The following ZNF93 variants were observed in gnomAD, a reference collection of about 807,000 sequenced individuals.
The protein encoded by ZNF93 is zinc finger protein 505.
ZNF93 carries 29 observed loss-of-function variants against 45.0 expected under a neutral mutation model. The ratio of observed to expected loss-of-function variants is 0.64; its 90% CI spans 0.48 to 0.88. ZNF93 has a LOEUF of 0.88. Ranked by LOEUF, ZNF93 falls within the 40% of genes least tolerant of loss-of-function variation. The probability of loss-of-function intolerance (pLI) is 0.00; values close to 1 mark genes in which losing one functional copy is unlikely to be tolerated. For synonymous variants in ZNF93, 223 were observed against 244.6 expected (o/e 0.91, Z 0.82); for missense variants, 578 against 724.0 (o/e 0.80, Z 2.31).
intron 3 of ZNF93, among the ~76,000 whole-genome samples, chr19:19,931,080 C>T (rs925997943): frequency 3.3e-5 from 5 of 151,268 alleles, no homozygotes; most frequent in Admixed American, 6.6e-5. Flanking sequence ...CCCTTGTAGG[C>T]AGCACACTGT....
chr19:19,902,312 A>C (rs1444640034), intron 1 of ZNF93, among the ~76,000 whole-genome samples: 1 of 151,842 alleles, frequency 6.6e-6, no homozygotes, highest in African/African-American at 2.4e-5. Flanking sequence ...CAGGTGGAGT[A>C]CAGTGGCGCA....
intron 3 of ZNF93, among the ~76,000 whole-genome samples, chr19:19,923,268 T>C (rs1307671667): frequency 6.6e-6 from 1 of 152,070 alleles, no homozygotes; most frequent in African/African-American, 2.4e-5. Flanking sequence ...GAACAGCAAA[T>C]GTTGCTGCTC....
At chr19:19,904,760 C>T (rs2063287576) in intron 1 of ZNF93, among the ~76,000 whole-genome samples, 1 of 152,012 alleles carries the variant, frequency 6.6e-6, no homozygotes, top group Non-Finnish European at 1.5e-5. Context: ...TGCCCATTGT[C>T]CTGAAATTCC....
In ZNF93 at chr19:19,934,062, C is replaced by T. The variant is rs776368219; in HGVS notation, c.1107C>T (p.Tyr369=). Residue 369 remains tyrosine, a synonymous_variant, in exon 4 of 4, where the codon TAC becomes TAT. Transcript: ENST00000343769. ...TCATTCATATGGGAAAGAAACATTA[C>T]AAATGTGAAGAATGTGGCAAAGCCT... is the stretch of plus-strand genomic sequence containing the variant. The part of the protein sequence containing the change: ...HEFIHMGKKH[Y]KCEECGKAFI... 1.2e-6 allele frequency: 2 copies of T among 1,612,934 alleles called. No homozygotes were observed. Among genetic ancestry groups the T allele is most frequent in the South Asian group, 1.1e-5 (1 of 90,956 alleles).
intron 2 of ZNF93, among the ~76,000 whole-genome samples, chr19:19,915,782 C>T (rs1371041423): frequency 6.6e-6 from 1 of 152,050 alleles, no homozygotes; most frequent in Non-Finnish European, 1.5e-5. Flanking sequence ...ACGGAGGTTG[C>T]AATGAGCCGA....
chr19:19,908,590 C>A (rs1167820554), intron 1 of ZNF93: 1 of 152,062 alleles, frequency 6.6e-6, no homozygotes, highest in Admixed American at 6.5e-5. Context: ...CGCCTCTAAT[C>A]CCAGCACTTT....
intron 3 of ZNF93, among the ~76,000 whole-genome samples, chr19:19,924,385 C>A (rs2063350542): frequency 6.6e-6 from 1 of 151,988 alleles, no homozygotes; most frequent in South Asian, 2.1e-4. Flanking sequence ...GCCACCGCAC[C>A]CAGCCGGATT....
At chr19:19,925,675 G>A (rs571584515) in intron 3 of ZNF93, among the ~76,000 whole-genome samples, 1 of 152,280 alleles carries the variant, frequency 6.6e-6, no homozygotes, top group Admixed American at 6.5e-5. Context: ...GTAAATTTCA[G>A]TTTGCTGCAG....
intron 1 of ZNF93, among the ~76,000 whole-genome samples, chr19:19,910,020 A>G (rs1436685073): frequency 6.6e-6 from 1 of 152,190 alleles, no homozygotes. Flanking sequence ...TTTGAAACTG[A>G]TTCAGAAACT....
intron 3 of ZNF93, among the ~76,000 whole-genome samples, chr19:19,922,632 C>A (rs2063345167): frequency 6.6e-6 from 1 of 152,104 alleles, no homozygotes; most frequent in African/African-American, 2.4e-5. Flanking sequence ...AGGCTTTGTT[C>A]ATTTCTTTTT....
rs1033385908 is a variant in ZNF93, at chr19:19,935,426, A to G, written c.*608A>G. The stretch of plus-strand genomic sequence containing the variant: ...GATCTTTACCTTCTAACATCAGTTT[A>G]TGAAAACTTGAAAAGGTGTTTGCTC... On this transcript the variant is annotated 3_prime_UTR_variant, in exon 4 of 4. Transcript: ENST00000343769. 1.0e-4 allele frequency: 16 copies of G among 152,586 alleles called. No homozygotes were observed. The highest frequency in any genetic ancestry group is 3.6e-4 in the African/African-American group (15 of 41,464). 9.5% of individuals were successfully genotyped at this position (152,586 alleles called of 1,614,324 possible).
chr19:19,923,311 AGG>A (rs1485836251), intron 3 of ZNF93, among the ~76,000 whole-genome samples: 1 of 152,228 alleles, frequency 6.6e-6, no homozygotes, highest in South Asian at 2.1e-4. Context: ...TTCATCTCAG[AGG>A]GGTACCCGGC....
intron 1 of ZNF93, among the ~76,000 whole-genome samples, chr19:19,903,115 A>T (rs1270675158): frequency 6.6e-6 from 1 of 152,186 alleles, no homozygotes; most frequent in Non-Finnish European, 1.5e-5. Context: ...AAAAACGTTA[A>T]TTTATGTAAA....
At chr19:19,910,872 C>A (rs886839529) in intron 1 of ZNF93, among the ~76,000 whole-genome samples, 1 of 152,130 alleles carries the variant, frequency 6.6e-6, no homozygotes, top group African/African-American at 2.4e-5. Flanking sequence ...GAACAAAAGT[C>A]ATTTTCTGCA....
chr19:19,913,210 G>A (rs1029468973), intron 1 of ZNF93, among the ~76,000 whole-genome samples: 2 of 152,094 alleles, frequency 1.3e-5, no homozygotes, highest in African/African-American at 4.8e-5. Flanking sequence ...CAGAATGTGC[G>A]GCCACAATTA....
At position 19,935,518 on chromosome 19, in the gene ZNF93, C is replaced by T. The variant is rs1163758435; in HGVS notation, c.*700C>T. The T allele has an allele frequency of 6.6e-6, 1 of 152,196 alleles. No homozygotes were observed. The highest frequency in any genetic ancestry group is 1.5e-5 in the Non-Finnish European group (1 of 68,074). 9.4% of individuals were successfully genotyped at this position (152,196 alleles called of 1,614,324 possible). A position where few individuals can be genotyped will look rare whatever the true frequency, so the allele number is the denominator to read the frequency against. On this transcript the variant is annotated 3_prime_UTR_variant, in exon 4 of 4. Transcript: ENST00000343769. The stretch of plus-strand genomic sequence containing the variant: ...TGTCTGGTTCTATTTTAATGTAGCA[C>T]TGGAAGTGTGTGGCAGAAGAATTAG...
intron 3 of ZNF93, among the ~76,000 whole-genome samples, chr19:19,930,990 T>C (rs1454904626): frequency 2.6e-5 from 4 of 151,922 alleles, no homozygotes; most frequent in Admixed American, 2.6e-4. Flanking sequence ...CCTTACTCAA[T>C]TGTGGTTGCT....
intron 3 of ZNF93, among the ~76,000 whole-genome samples, chr19:19,924,649 G>A (rs958239625): frequency 1.3e-5 from 2 of 151,102 alleles, no homozygotes; most frequent in South Asian, 4.2e-4. Context: ...GAAGTGCAAT[G>A]GTGCAATCTA....
At chr19:19,933,112 G>C in intron 3 of ZNF93, 70 bp from the exon 4 acceptor site, 1 of 1,199,282 alleles carries the variant, frequency 8.3e-7, no homozygotes, top group Non-Finnish European at 1.1e-6. Flanking sequence ...TAATTTTATA[G>C]GTTAGATTTG....
Sources: gnomAD v4.1 joint callset for allele counts (sites outside exome capture counted in the v4.1 genomes callset) on GRCh38, gnomAD v4.1.1 for gene constraint, MANE v1.5 for transcripts, NCBI Gene and HGNC (gene_info 2026-07-23, HGNC 2026-07-21) for gene names.